NEDD4: variants seen among roughly 807,000 people sequenced by gnomAD.
The protein encoded by NEDD4 is NEDD4 E3 ubiquitin protein ligase, also known as E3 ubiquitin-protein ligase NEDD4.
A neutral mutation model predicts 144.9 loss-of-function variants in NEDD4; 99 were observed. The ratio of observed to expected loss-of-function variants is 0.68; its 90% CI spans 0.58 to 0.81. The LOEUF (loss-of-function observed/expected upper bound fraction) is 0.81, where lower values mean the gene tolerates loss of function less well. NEDD4 is among the 30% of genes least tolerant of loss of function. The pLI is 0.00. For missense variants in NEDD4, 985 were observed against 1,065.9 expected, an observed-to-expected ratio of 0.92 and a Z score of 1.06; for synonymous variants, 318 against 350.6, an observed-to-expected ratio of 0.91 and a Z score of 1.04.
intron 4 of NEDD4, among the ~76,000 whole-genome samples, chr15:55,936,363 A>C (rs2036888924): frequency 6.6e-6 from 1 of 152,052 alleles, no homozygotes; most frequent in Non-Finnish European, 1.5e-5. Flanking sequence ...GAAAAAAATC[A>C]CGCCAAATTT....
Position 55,883,415 on chromosome 15 carries a change from C to T in NEDD4, c.292-9407G>A, listed in dbSNP as rs1041440091. ...TAAGCTTTCTGACTCCAGGCCCTGA[C>T]TTCTAGACGGCATCTCTGAATGCAC... On this transcript the variant is annotated intron_variant, in intron 5 of 28. Coordinates refer to ENST00000435532, the MANE Select transcript of NEDD4 (RefSeq NM_006154.4). Among the ~76,000 whole-genome samples, 4 of 152,148 alleles carry T rather than the reference C, an allele frequency of 2.6e-5. No homozygotes were observed. The South Asian group carries it at 8.3e-4, about 31-fold the overall frequency.
At chr15:55,906,550 C>T (rs532870998) in intron 5 of NEDD4, among the ~76,000 whole-genome samples, 2 of 151,270 alleles carry the variant, frequency 1.3e-5, no homozygotes, top group Non-Finnish European at 2.9e-5. Flanking sequence ...CCAAACACCC[C>T]ATGTTCTCAC....
intron 14 of NEDD4, among the ~76,000 whole-genome samples, chr15:55,849,791 ATTTT>A (rs1202773235): frequency 6.9e-6 from 1 of 145,362 alleles, no homozygotes; most frequent in Admixed American, 6.9e-5. Flanking sequence ...ATTTTAAGTA[ATTTT>A]TTTTTTTTTT....
intron 2 of NEDD4, among the ~76,000 whole-genome samples, chr15:55,955,155 G>A (rs1272126484): frequency 6.6e-6 from 1 of 152,140 alleles, no homozygotes; most frequent in Non-Finnish European, 1.5e-5. Context: ...CCAAGTAGCG[G>A]GGACTACAGG....
In NEDD4 at chr15:55,833,121, C is replaced by T. The variant is rs1566895392; in HGVS notation, c.2431-17G>A. On this transcript the variant is annotated splice_polypyrimidine_tract_variant and intron_variant, in intron 26 of 28. Transcript: ENST00000435532. Reference sequence around the variant, plus strand: ...TAAAACAGCCTGAATAAGATAAAAACATCATTTAGGGAACAGCACTGGGAA... The same window carrying T: ...TAAAACAGCCTGAATAAGATAAAAATATCATTTAGGGAACAGCACTGGGAA... 6.5e-6 allele frequency: 10 copies of T among 1,531,714 alleles called. No individual in the cohort carries two copies. The highest frequency in any genetic ancestry group is 1.7e-4 in the Middle Eastern group (1 of 5,884). The allele number at this position is 1,531,714 out of a possible 1,614,324, so 94.9% of individuals were successfully genotyped here. A position where few individuals can be genotyped will look rare whatever the true frequency, so the allele number is the denominator to read the frequency against.
In NEDD4 at chr15:55,838,568, C is replaced by G. The variant is rs781347537; in HGVS notation, c.2068G>C (p.Glu690Gln). Reference sequence around the variant, plus strand: ...AGGTCCAATTCTGTTGGGTCATTTTCAAGAATCCATCTTAGGGAATTGTAA... The same window carrying G: ...AGGTCCAATTCTGTTGGGTCATTTTGAAGAATCCATCTTAGGGAATTGTAA... ...EYYNSLRWIL[E>Q]NDPTELDLRF... The change falls in exon 22 of 29, where the codon GAA becomes CAA. Residue 690 changes from glutamate to glutamine, a missense_variant. Glu to Gln is a conservative substitution (Grantham distance 29). Transcript: ENST00000435532. 2 of 1,612,440 alleles carry G rather than the reference C, an allele frequency of 1.2e-6. No individual in the cohort carries two copies. The highest frequency in any genetic ancestry group is 2.2e-5 in the South Asian group (2 of 91,040).
intron 4 of NEDD4, 127 bp downstream of exon 4, chr15:55,951,249 G>T: frequency 2.1e-6 from 1 of 485,452 alleles, no homozygotes; most frequent in East Asian, 5.0e-5. Flanking sequence ...AATTCCTTTT[G>T]TATTTTCACA....
chr15:55,974,816 T>C (rs56339902), intron 1 of NEDD4, among the ~76,000 whole-genome samples: 12,403 of 150,002 alleles, frequency 0.083, 636 homozygotes, highest in Middle Eastern at 0.16. Flanking sequence ...GCTAGTGCCA[T>C]GGTAAATGGG....
At chr15:55,873,860 G>A in intron 6 of NEDD4, 98 bp downstream of exon 6, 1 of 521,712 alleles carries the variant, frequency 1.9e-6, no homozygotes. Flanking sequence ...GTATACATTT[G>A]ATAAATCAAT....
chr15:55,847,041 T>C lies in NEDD4; in HGVS notation c.1543-7A>G, dbSNP rs199761730. The C allele has an allele frequency of 1.9e-6, 3 of 1,571,332 alleles. No individual in the cohort carries two copies. The highest frequency in any genetic ancestry group is 2.6e-6 in the Non-Finnish European group (3 of 1,153,544). ...CCCTGGAGTAGGGCACTGCCTTTAG[T>C]TGGAAATTTTGGAAAAATAAAGAAG... On this transcript the variant is annotated splice_region_variant and splice_polypyrimidine_tract_variant and intron_variant, in intron 17 of 28. Transcript: ENST00000435532.
At chr15:55,863,798 A>C (rs1473980902) in intron 8 of NEDD4, among the ~76,000 whole-genome samples, 1 of 152,212 alleles carries the variant, frequency 6.6e-6, no homozygotes, top group Non-Finnish European at 1.5e-5. Flanking sequence ...GTAGAAATCA[A>C]TAACTATCTG....
chr15:55,907,290 A>G (rs2142178507), intron 5 of NEDD4, among the ~76,000 whole-genome samples: 1 of 152,244 alleles, frequency 6.6e-6, no homozygotes, highest in East Asian at 1.9e-4. Context: ...AACATGGAGA[A>G]AAAGACAGAA....
intron 1 of NEDD4, among the ~76,000 whole-genome samples, chr15:55,983,308 G>A (rs12443293): frequency 4.6e-5 from 7 of 152,038 alleles, no homozygotes; most frequent in South Asian, 4.1e-4. Context: ...GTGCGTGCGC[G>A]CGCGTGCGTG....
Position 55,848,619 on chromosome 15 carries a change from A to G in NEDD4, c.1429-44T>C, listed in dbSNP as rs189080482. On this transcript the variant is annotated intron_variant, in intron 15 of 28. Transcript: ENST00000435532. ...TTCAATTATTTTAGGAGAGGGGCGT[A>G]GATGAATGGATAGAAAAATAGCACT... 1,877 of 1,529,356 alleles carry G rather than the reference A, an allele frequency of 1.2e-3. 3 individuals carry two copies. Among genetic ancestry groups the G allele is most frequent in the Non-Finnish European group, 1.5e-3 (1,683 of 1,105,118 alleles). 94.7% of individuals were successfully genotyped at this position (1,529,356 alleles called of 1,614,324 possible). A position where few individuals can be genotyped will look rare whatever the true frequency, so the allele number is the denominator to read the frequency against.
intron 1 of NEDD4, among the ~76,000 whole-genome samples, chr15:55,985,550 A>G (rs1489266299): frequency 6.6e-6 from 1 of 152,216 alleles, no homozygotes. Context: ...CTGAACACAT[A>G]AGTCAATGAA....
chr15:55,974,726 TAA>T (rs765883456), intron 1 of NEDD4, among the ~76,000 whole-genome samples: 1 of 130,896 alleles, frequency 7.6e-6, no homozygotes. Context: ...CTCTTCATGA[TAA>T]AAAAAAAAAC....
intron 24 of NEDD4, among the ~76,000 whole-genome samples, chr15:55,834,755 A>G (rs1312801740): frequency 6.6e-6 from 1 of 152,184 alleles, no homozygotes; most frequent in Non-Finnish European, 1.5e-5. Context: ...CAACAACAAA[A>G]AACAAATTTC....
At chr15:55,861,335 G>A (rs904552118) in intron 9 of NEDD4, among the ~76,000 whole-genome samples, 1 of 152,018 alleles carries the variant, frequency 6.6e-6, no homozygotes, top group Non-Finnish European at 1.5e-5. Flanking sequence ...TCTGTTTTTC[G>A]TAATATACAG....
rs373926798 is a variant in NEDD4 at position 55,951,449 on chromosome 15, G to C, written c.199-35C>G. ...AATAAACATAGTATAACTAAATAAGGTTTTGTCTTATAAAAATAAAACAAA... is the reference window on the plus strand; with the variant it reads ...AATAAACATAGTATAACTAAATAAGCTTTTGTCTTATAAAAATAAAACAAA... On this transcript the variant is annotated intron_variant, in intron 3 of 28. Coordinates refer to ENST00000435532, the MANE Select transcript of NEDD4 (RefSeq NM_006154.4). The C allele has an allele frequency of 4.5e-5, 58 of 1,295,204 alleles. 1 individual carries two copies. The South Asian group carries it at 8.1e-4, about 18-fold the overall frequency. The allele number at this position is 1,295,204 out of a possible 1,614,324, so 80.2% of individuals were successfully genotyped here.
Sources: allele counts gnomAD v4.1 joint callset (sites outside exome capture counted in the v4.1 genomes callset), GRCh38; gene constraint gnomAD v4.1.1; transcripts MANE v1.5; gene names NCBI Gene and HGNC (gene_info 2026-07-23, HGNC 2026-07-21).